The following SNTG2 variants were observed in gnomAD, a reference collection of about 807,000 sequenced individuals.
The protein encoded by SNTG2 is gamma-2-syntrophin.
In SNTG2, 74 loss-of-function variants were observed where a neutral mutation model predicts 70.9. The ratio of observed to expected loss-of-function variants is 1.04; its 90% CI spans 0.86 to 1.27. The LOEUF is 1.27. SNTG2 is among the 50% of genes most tolerant of loss of function. The pLI, the probability that SNTG2 is intolerant of heterozygous loss-of-function variation, is 0.00. For synonymous variants in SNTG2, 278 were observed against 273.8 expected, an observed-to-expected ratio of 1.02 and a Z score of -0.15; for missense variants, 717 against 690.7, an observed-to-expected ratio of 1.04 and a Z score of -0.43.
intron 7 of SNTG2, among the ~76,000 whole-genome samples, chr2:1,168,935 C>G (rs560073084): frequency 6.6e-6 from 1 of 152,134 alleles, no homozygotes. Flanking sequence ...ATGTCACACG[C>G]GGCACAGTGG....
At chr2:1,255,825 TATATATAAATATATATAA>T (rs1558602218) in intron 12 of SNTG2, among the ~76,000 whole-genome samples, 1 of 59,136 alleles carries the variant, frequency 1.7e-5, no homozygotes, top group African/African-American at 7.9e-5. Context: ...TGTATGTATA[TATATATAAATATATATAA>T]ATATATATAA....
intron 1 of SNTG2, 21 bp from the exon 2 acceptor site, chr2:1,083,497 G>T (rs1198881317): frequency 1.9e-6 from 3 of 1,611,024 alleles, no homozygotes; most frequent in South Asian, 1.1e-5. Flanking sequence ...ATTTTTTTGT[G>T]TTTCCACTTT....
chr2:973,688 C>T (rs970494848), intron 1 of SNTG2, among the ~76,000 whole-genome samples: 5 of 152,102 alleles, frequency 3.3e-5, no homozygotes, highest in South Asian at 2.1e-4. Context: ...TCCCACAGCT[C>T]TGATATGTTC....
At chr2:1,278,050 C>G (rs1002364398) in intron 14 of SNTG2, among the ~76,000 whole-genome samples, 6 of 152,254 alleles carry the variant, frequency 3.9e-5, no homozygotes, top group Non-Finnish European at 8.8e-5. Context: ...TTTCATTTAT[C>G]AAATGTCATC....
At chr2:1,234,404 T>G (rs28680813) in intron 9 of SNTG2, among the ~76,000 whole-genome samples, 33,500 of 152,232 alleles carry the variant, frequency 0.22, 5,848 homozygotes, top group African/African-American at 0.48. Flanking sequence ...ACTTAATTTT[T>G]ATTGCTTTCT....
intron 1 of SNTG2, among the ~76,000 whole-genome samples, chr2:1,043,392 C>G (rs912014804): frequency 6.6e-6 from 1 of 152,164 alleles, no homozygotes; most frequent in Non-Finnish European, 1.5e-5. Flanking sequence ...TTGATAGTTT[C>G]TTTTGCCCTG....
intron 6 of SNTG2, chr2:1,161,508 C>G (rs1272394078): frequency 6.6e-6 from 1 of 152,158 alleles, no homozygotes; most frequent in African/African-American, 2.4e-5. Flanking sequence ...GGGCCAGGGT[C>G]TCTCCCAGTG....
At chr2:1,195,308 C>A (rs1672842734) in intron 8 of SNTG2, among the ~76,000 whole-genome samples, 1 of 151,936 alleles carries the variant, frequency 6.6e-6, no homozygotes, top group African/African-American at 2.4e-5. Context: ...GCCACACTGT[C>A]TTCACAATGG....
At chr2:1,261,528 A>G (rs1678412250) in intron 13 of SNTG2, among the ~76,000 whole-genome samples, 1 of 152,154 alleles carries the variant, frequency 6.6e-6, no homozygotes, top group African/African-American at 2.4e-5. Flanking sequence ...AATTGCACCA[A>G]TCAGCCTTGA....
chr2:1,031,526 A>ATTT (rs1660820699), intron 1 of SNTG2, among the ~76,000 whole-genome samples: 6 of 54,154 alleles, frequency 1.1e-4, no homozygotes, highest in Admixed American at 4.5e-4. Context: ...ATATATATAT[A>ATTT]TATTTTTTTT....
At chr2:1,129,905 T>C (rs1158780911) in intron 4 of SNTG2, among the ~76,000 whole-genome samples, 1 of 152,220 alleles carries the variant, frequency 6.6e-6, no homozygotes, top group African/African-American at 2.4e-5. Context: ...GAATTTAATA[T>C]ATAAAATATT....
rs114198421 is a variant in SNTG2, at chr2:1,100,446, C to G, written c.325+2036C>G. On this transcript the variant is annotated intron_variant, in intron 4 of 16. Transcript: ENST00000308624. ...AGGCGTGAGCCACCGCACCCAGCCT[C>G]TTTTTGAGGTTTTTCGAGCATTTCA... Among the ~76,000 whole-genome samples the G allele has an allele frequency of 2.0e-5, 3 of 152,298 alleles. No individual in the cohort carries two copies. In the East Asian group the frequency reaches 5.8e-4, roughly 29 times the overall value.
intron 9 of SNTG2, among the ~76,000 whole-genome samples, chr2:1,211,140 G>A (rs1389778545): frequency 2.0e-5 from 3 of 152,130 alleles, no homozygotes; most frequent in Admixed American, 6.5e-5. Context: ...TTAACAGTTC[G>A]TGCTCTAACT....
intron 6 of SNTG2, among the ~76,000 whole-genome samples, chr2:1,139,945 TG>T (rs1668642057): frequency 6.6e-6 from 1 of 152,180 alleles, no homozygotes; most frequent in South Asian, 2.1e-4. Context: ...TCATATCATA[TG>T]TTTACATTCT....
chr2:1,181,153 C>T (rs1671862562), intron 8 of SNTG2, among the ~76,000 whole-genome samples: 1 of 152,062 alleles, frequency 6.6e-6, no homozygotes, highest in Non-Finnish European at 1.5e-5. Context: ...ACCAACATGG[C>T]ACATGTATAC....
At chr2:1,316,145 C>T (rs1207289348) in intron 15 of SNTG2, 120 bp from the exon 16 acceptor site, 2 of 582,102 alleles carry the variant, frequency 3.4e-6, no homozygotes, top group African/African-American at 1.9e-5. Context: ...TGCTAAACGT[C>T]GATTTAAACA....
At chr2:1,020,959 G>T (rs1019835261) in intron 1 of SNTG2, among the ~76,000 whole-genome samples, 2 of 152,108 alleles carry the variant, frequency 1.3e-5, no homozygotes, top group Non-Finnish European at 2.9e-5. Flanking sequence ...CTGGAAAAAT[G>T]GTGATTTTTG....
At chr2:1,144,162 C>T (rs1295905272) in intron 6 of SNTG2, among the ~76,000 whole-genome samples, 1 of 152,024 alleles carries the variant, frequency 6.6e-6, no homozygotes, top group African/African-American at 2.4e-5. Flanking sequence ...AAACTCTCAC[C>T]CCGAGACATA....
At chr2:1,092,009 A>G (rs1427173243) in intron 2 of SNTG2, among the ~76,000 whole-genome samples, 1 of 152,196 alleles carries the variant, frequency 6.6e-6, no homozygotes, top group African/African-American at 2.4e-5. Context: ...AAAATGCCTT[A>G]TAGAGTGTTT....
Sources: gnomAD v4.1 joint callset for allele counts (sites outside exome capture counted in the v4.1 genomes callset) on GRCh38, gnomAD v4.1.1 for gene constraint, MANE v1.5 for transcripts, NCBI Gene and HGNC (gene_info 2026-07-23, HGNC 2026-07-21) for gene names.